Variants in DRAXIN observed in about 807,000 individuals in gnomAD.
DRAXIN encodes dorsal repulsive axon guidance protein.
In DRAXIN, 27 loss-of-function variants were observed where a neutral mutation model predicts 33.9. That is an observed-to-expected ratio of 0.80 (90% CI 0.59 to 1.10). The LOEUF is 1.10. DRAXIN is among the 50% of genes least tolerant of loss of function. The pLI is 0.00. For missense variants in DRAXIN, 371 were observed against 460.8 expected (o/e 0.81, Z 1.78); for synonymous variants, 178 against 194.0 (o/e 0.92, Z 0.69).
intron 1 of DRAXIN, 113 bp downstream of exon 1, chr1:11,691,966 C>G (rs1044893252): frequency 1.3e-5 from 2 of 151,708 alleles, no homozygotes; most frequent in East Asian, 2.0e-4. Flanking sequence ...CGCGGGGTCC[C>G]GAGGCTGGAA....
intron 5 of DRAXIN, among the ~76,000 whole-genome samples, chr1:11,712,757 G>T (rs140976363): frequency 6.6e-6 from 1 of 151,920 alleles, no homozygotes; most frequent in African/African-American, 2.4e-5. Context: ...AAATTATCCG[G>T]GCATGGTGGA....
In DRAXIN at chr1:11,706,136, G is replaced by A. The variant is rs1243785281; in HGVS notation, c.-10-113G>A. 2 of 1,041,798 alleles carry A rather than the reference G, an allele frequency of 1.9e-6. No individual in the cohort carries two copies. The highest frequency in any genetic ancestry group is 1.6e-5 in the African/African-American group (1 of 61,974). The allele number at this position is 1,041,798 out of a possible 1,614,324, so 64.5% of individuals were successfully genotyped here. A position where few individuals can be genotyped will look rare whatever the true frequency, so the allele number is the denominator to read the frequency against. On this transcript the variant is annotated intron_variant, in intron 1 of 6. Transcript: ENST00000294485. The surrounding 1 kb of genome is among the most constrained non-coding windows in gnomAD (Gnocchi z 5.5). The stretch of plus-strand genomic sequence containing the variant: ...CTTCGGGCATTGCCAAATGTCACTG[G>A]GAGCAAAATGTCCCTCTATGGCTGT...
chr1:11,693,479 G>A (rs150075720), intron 1 of DRAXIN, among the ~76,000 whole-genome samples: 20 of 152,250 alleles, frequency 1.3e-4, no homozygotes, highest in Non-Finnish European at 1.2e-4. Context: ...TGGCAGTGAC[G>A]TGGCCTGAGT....
At chr1:11,703,701 C>T (rs1641336251) in intron 1 of DRAXIN, among the ~76,000 whole-genome samples, 1 of 152,188 alleles carries the variant, frequency 6.6e-6, no homozygotes, top group Non-Finnish European at 1.5e-5. Flanking sequence ...TGCTCTGGCA[C>T]TGTGCACTGA....
Position 11,705,486 on chromosome 1 carries a change from C to CTTG in DRAXIN, c.-10-763_-10-762insTTG, listed in dbSNP as rs1233566783. On this transcript the variant is annotated intron_variant, in intron 1 of 6. Coordinates refer to ENST00000294485, the MANE Select transcript of DRAXIN (RefSeq NM_198545.4). The surrounding 1 kb of genome is among the most constrained non-coding windows in gnomAD (Gnocchi z 4.8). ...AAAGCTGTTCCCAAAGCCCCTCCCC[C>CTTG]AGGGGAAGGGACAGTGTCAGAACAT... 3.9e-5 allele frequency among the ~76,000 whole-genome samples: 6 copies of CTTG among 152,066 alleles called. No homozygotes were observed. The highest frequency in any genetic ancestry group is 1.4e-4 in the African/African-American group (6 of 41,400).
chr1:11,717,687 A>C (rs1641598155), intron 6 of DRAXIN, among the ~76,000 whole-genome samples: 1 of 150,434 alleles, frequency 6.6e-6, no homozygotes, highest in Non-Finnish European at 1.5e-5. Context: ...AAGGGTAGAC[A>C]GAAGTGGGCA....
At chr1:11,688,330 C>G (rs1190911272), upstream of DRAXIN, among the ~76,000 whole-genome samples, 1 of 152,192 alleles carries the variant, frequency 6.6e-6, no homozygotes, top group Non-Finnish European at 1.5e-5. This position sits in a 1 kb window ranked among gnomAD's most constrained non-coding sequence, Gnocchi z 4.6. Context: ...GAGGCCGAGG[C>G]TGGCGAATCA....
At chr1:11,707,732 C>G (rs897206317) in intron 2 of DRAXIN, among the ~76,000 whole-genome samples, 4 of 152,190 alleles carry the variant, frequency 2.6e-5, no homozygotes, top group Non-Finnish European at 5.9e-5. Flanking sequence ...CCTTCCTTAA[C>G]GTTTCCCCCA....
In DRAXIN at chr1:11,721,370, C is replaced by T. The variant is rs1641657791; in HGVS notation, c.*1674C>T. 6.6e-6 allele frequency: 1 copy of T among 152,212 alleles called. No individual in the cohort carries two copies. The highest frequency in any genetic ancestry group is 2.1e-4 in the South Asian group (1 of 4,834). The allele number at this position is 152,212 out of a possible 1,614,324, so 9.4% of individuals were successfully genotyped here. ...GCAGATCTGGCTTCAGGGGTCACTT[C>T]AGGAGAACCATTTAAATCCCCCCAC... On this transcript the variant is annotated 3_prime_UTR_variant, in exon 7 of 7. Coordinates refer to ENST00000294485, the MANE Select transcript of DRAXIN (RefSeq NM_198545.4).
intron 6 of DRAXIN, among the ~76,000 whole-genome samples, chr1:11,719,173 GGATTATAGGC>G (rs1188029648): frequency 6.6e-6 from 1 of 152,142 alleles, no homozygotes; most frequent in Non-Finnish European, 1.5e-5. Context: ...CAAAGCGCTG[GGATTATAGGC>G]GTGAGCCACC....
chr1:11,693,660 C>T (rs1359140754), intron 1 of DRAXIN, among the ~76,000 whole-genome samples: 1 of 152,158 alleles, frequency 6.6e-6, no homozygotes, highest in Admixed American at 6.5e-5. Flanking sequence ...GGCTCCTGCT[C>T]GAAATCCGAC....
In DRAXIN at chr1:11,706,470, T is replaced by G; in HGVS notation, c.212T>G (p.Leu71Arg). The G allele has an allele frequency of 6.2e-7, 1 of 1,610,812 alleles. No individual in the cohort carries two copies. The highest frequency in any genetic ancestry group is 8.5e-7 in the Non-Finnish European group (1 of 1,178,918). The change falls in exon 2 of 7, where the codon CTG becomes CGG. Residue 71 changes from leucine (L) to arginine (R), a missense_variant. Leu to Arg is a moderately radical substitution (Grantham distance 102, BLOSUM62 -2). Coordinates refer to ENST00000294485, the MANE Select transcript of DRAXIN (RefSeq NM_198545.4). This position sits in a 1 kb window ranked among gnomAD's most constrained non-coding sequence, Gnocchi z 5.5. The stretch of plus-strand genomic sequence containing the variant: ...GGCAAGAAGGAGTGGGGCCCAGGCC[T>G]GCCCAGCCAGGCCCAGGATGGGGCT... ...GPGKKEWGPG[L>R]PSQAQDGAVV...
intron 3 of DRAXIN, 85 bp from the exon 4 acceptor site, chr1:11,711,765 CT>C: frequency 1.5e-6 from 2 of 1,325,868 alleles, no homozygotes. Context: ...TGAGAAGCCT[CT>C]TTTTTGTCCT....
intron 6 of DRAXIN, among the ~76,000 whole-genome samples, chr1:11,717,757 G>T (rs1641598948): frequency 6.6e-6 from 1 of 150,928 alleles, no homozygotes; most frequent in South Asian, 2.1e-4. Context: ...GGCCAAGGCA[G>T]GTGGATCCTT....
Position 11,704,618 on chromosome 1 carries a change from GTGGTGCAGGGTC to G in DRAXIN, c.-10-1628_-10-1617del, listed in dbSNP as rs1641350968. On this transcript the variant is annotated intron_variant, in intron 1 of 6. Transcript: ENST00000294485. The surrounding 1 kb of genome is among the most constrained non-coding windows in gnomAD (Gnocchi z 4.6). ...CGTGACCAGGACAGTAGCAGGGACT[GTGGTGCAGGGTC>G]TGTGGCCTTAGGAATGGATGCAGGT... Among the ~76,000 whole-genome samples the G allele has an allele frequency of 2.6e-5, 4 of 152,326 alleles. No homozygotes were observed. Among genetic ancestry groups the G allele is most frequent in the Admixed American group, 2.6e-4 (4 of 15,294 alleles).
intron 6 of DRAXIN, among the ~76,000 whole-genome samples, chr1:11,717,198 G>A (rs571280489): frequency 1.2e-4 from 18 of 151,968 alleles, no homozygotes; most frequent in African/African-American, 4.3e-4. Context: ...CATGAGAATC[G>A]CTTGAACCCG....
At position 11,723,976 on chromosome 1, in the gene DRAXIN, G is replaced by C. The variant is rs1641691947; in HGVS notation, c.*4280G>C. 6.6e-6 allele frequency: 1 copy of C among 152,180 alleles called. No individual in the cohort carries two copies. 9.4% of individuals were successfully genotyped at this position (152,180 alleles called of 1,614,324 possible). On this transcript the variant is annotated 3_prime_UTR_variant, in exon 7 of 7. Transcript: ENST00000294485. ...CAGTGTTAGCTAATTTGTTATTCTA[G>C]GAGAATTTTAGATGTCGGTTCTTTG...
At chr1:11,697,452 G>A (rs935305358) in intron 1 of DRAXIN, among the ~76,000 whole-genome samples, 1 of 152,240 alleles carries the variant, frequency 6.6e-6, no homozygotes, top group African/African-American at 2.4e-5. Flanking sequence ...CCTGCTAGAT[G>A]GGAGGCTTCC....
chr1:11,686,652 C>T, the DRAXIN span, among the ~76,000 whole-genome samples: 1 of 152,116 alleles, frequency 6.6e-6, no homozygotes, highest in African/African-American at 2.4e-5. Context: ...ATGTGCCCGC[C>T]TCCACCTGCC....
Sources: gnomAD v4.1 joint callset for allele counts (sites outside exome capture counted in the v4.1 genomes callset) on GRCh38, gnomAD v4.1.1 for gene constraint, Gnocchi (gnomAD v3.1) non-coding constraint, MANE v1.5 for transcripts, NCBI Gene and HGNC (gene_info 2026-07-23, HGNC 2026-07-21) for gene names.